TMPRSS13: variants seen among roughly 807,000 people sequenced by gnomAD.
TMPRSS13 encodes the protein transmembrane serine protease 13.
In TMPRSS13, 50 loss-of-function variants were observed where a neutral mutation model predicts 68.4. That is an observed-to-expected ratio of 0.73 (90% CI 0.58 to 0.93). The LOEUF (loss-of-function observed/expected upper bound fraction) is 0.93, where lower values mean the gene tolerates loss of function less well. Among genes scored for constraint, TMPRSS13 ranks in the 40% least tolerant of loss-of-function variants. TMPRSS13 has a pLI of 0.00. For missense variants in TMPRSS13, 615 were observed against 729.2 expected (o/e 0.84, Z 1.80); for synonymous variants, 267 against 285.8 (o/e 0.93, Z 0.66).
intron 7 of TMPRSS13, 32 bp downstream of exon 7, chr11:117,910,675 C>A (rs781279982): frequency 1.3e-6 from 2 of 1,598,788 alleles, no homozygotes; most frequent in South Asian, 1.1e-5. Context: ...CCACACGACA[C>A]TGGCCACAAT....
At position 117,914,382 on chromosome 11, in the gene TMPRSS13, G is replaced by C. The variant is rs1015991965; in HGVS notation, c.679+10C>G. The C allele has an allele frequency of 1.2e-6, 2 of 1,612,996 alleles. No individual in the cohort carries two copies. The highest frequency in any genetic ancestry group is 1.7e-6 in the Non-Finnish European group (2 of 1,179,920). The stretch of plus-strand genomic sequence containing the variant: ...ACACGCACGCGCTCCCCCGCACCCA[G>C]CCTCCTTACCGCAGCCCAGCTCGTC... On this transcript the variant is annotated intron_variant, in intron 4 of 12. Coordinates refer to ENST00000524993, the MANE Select transcript of TMPRSS13 (RefSeq NM_001077263.3). This position sits in a 1 kb window ranked among gnomAD's most constrained non-coding sequence, Gnocchi z 4.2.
chr11:117,922,713 G>A lies in TMPRSS13; in HGVS notation c.22-3875C>T. On this transcript the variant is annotated intron_variant, in intron 1 of 12. Coordinates refer to ENST00000524993, the MANE Select transcript of TMPRSS13 (RefSeq NM_001077263.3). The surrounding 1 kb of genome is among the most constrained non-coding windows in gnomAD (Gnocchi z 4.2). ...ACCAAAGGCTTCTCAGCCTGCTCAG[G>A]GGCAGGTGCACAGGGTGGAGCAGGG... is the stretch of plus-strand genomic sequence containing the variant. Among the ~76,000 whole-genome samples the A allele has an allele frequency of 6.6e-6, 1 of 152,206 alleles. No homozygotes were observed. The highest frequency in any genetic ancestry group is 1.5e-5 in the Non-Finnish European group (1 of 68,038).
intron 1 of TMPRSS13, among the ~76,000 whole-genome samples, chr11:117,921,015 A>G (rs2057640489): frequency 6.6e-6 from 1 of 152,236 alleles, no homozygotes; most frequent in Non-Finnish European, 1.5e-5. Flanking sequence ...TCAAACCATG[A>G]CAAAGATAAC....
chr11:117,911,751 T>A lies in TMPRSS13; in HGVS notation c.902+17A>T. On this transcript the variant is annotated intron_variant, in intron 6 of 12. Transcript: ENST00000524993. ...TTCCCCTGCTCACAAACAGGCAGCC[T>A]GCCTGCCCCACCATACCTGTGGAGG... is the stretch of plus-strand genomic sequence containing the variant. 1 of 1,609,116 alleles carries A rather than the reference T, an allele frequency of 6.2e-7. No homozygotes were observed. The highest frequency in any genetic ancestry group is 8.5e-7 in the Non-Finnish European group (1 of 1,176,036).
At chr11:117,903,217 C>T (rs997831126) in intron 12 of TMPRSS13, 4 of 1,358,406 alleles carry the variant, frequency 2.9e-6, no homozygotes, top group East Asian at 5.2e-5. Context: ...AAGACAACAA[C>T]AACAACAAAA....
At chr11:117,903,016 G>T in intron 12 of TMPRSS13, 1 of 1,038,682 alleles carries the variant, frequency 9.6e-7, no homozygotes, top group Non-Finnish European at 1.2e-6. Flanking sequence ...TTGGATATAG[G>T]TTAAAGCAAG....
chr11:117,924,688 G>C (rs1480825720), intron 1 of TMPRSS13, among the ~76,000 whole-genome samples: 1 of 152,154 alleles, frequency 6.6e-6, no homozygotes, highest in African/African-American at 2.4e-5. Flanking sequence ...GGCCCGGCTG[G>C]ACTGGGTGAC....
At chr11:117,903,129 G>A in intron 12 of TMPRSS13, 1 of 1,308,518 alleles carries the variant, frequency 7.6e-7, no homozygotes, top group Non-Finnish European at 9.7e-7. Flanking sequence ...GGGAAAGAAT[G>A]GTAGTTCTCA....
intron 1 of TMPRSS13, among the ~76,000 whole-genome samples, chr11:117,928,494 G>C (rs2057729249): frequency 6.6e-6 from 1 of 152,184 alleles, no homozygotes; most frequent in African/African-American, 2.4e-5. Context: ...TACCATGTCG[G>C]TAAGGTACAG....
At chr11:117,916,229 G>A (rs770933738) in intron 3 of TMPRSS13, among the ~76,000 whole-genome samples, 5 of 152,190 alleles carry the variant, frequency 3.3e-5, no homozygotes, top group Admixed American at 6.5e-5. Flanking sequence ...GACGGCCCCA[G>A]GTCCCTGATA....
chr11:117,924,907 T>C (rs1475845503), intron 1 of TMPRSS13, among the ~76,000 whole-genome samples: 1 of 152,086 alleles, frequency 6.6e-6, no homozygotes, highest in Non-Finnish European at 1.5e-5. Context: ...GGGTCAGCCC[T>C]TGAGGCAGAC....
intron 8 of TMPRSS13, among the ~76,000 whole-genome samples, chr11:117,909,288 A>C (rs2057495721): frequency 6.6e-6 from 1 of 152,106 alleles, no homozygotes; most frequent in South Asian, 2.1e-4. Context: ...AACACACTGA[A>C]CTCATTACTA....
intron 8 of TMPRSS13, among the ~76,000 whole-genome samples, chr11:117,909,125 G>A (rs1307866014): frequency 2.0e-5 from 3 of 152,104 alleles, no homozygotes; most frequent in African/African-American, 7.2e-5. Context: ...CTGGGGCCTC[G>A]ATATGAACTG....
In TMPRSS13 at chr11:117,915,408, G is replaced by A. The variant is rs1000201177; in HGVS notation, c.557-894C>T. ...CTCTCCATCACCCAGGGTAAAGGCCGCCCGGGTGTGACTGCTCCTTCCAGG... is the reference window on the plus strand; with the variant it reads ...CTCTCCATCACCCAGGGTAAAGGCCACCCGGGTGTGACTGCTCCTTCCAGG... On this transcript the variant is annotated intron_variant, in intron 3 of 12. Coordinates refer to ENST00000524993, the MANE Select transcript of TMPRSS13 (RefSeq NM_001077263.3). This position sits in a 1 kb window ranked among gnomAD's most constrained non-coding sequence, Gnocchi z 4.9. 2.6e-5 allele frequency among the ~76,000 whole-genome samples: 4 copies of A among 152,172 alleles called. No homozygotes were observed. Among genetic ancestry groups the A allele is most frequent in the African/African-American group, 4.8e-5 (2 of 41,438 alleles).
chr11:117,918,837 T>C lies in TMPRSS13; in HGVS notation c.23A>G (p.Asn8Ser), dbSNP rs768061735. MERDSHG[N>S]ASPARTPSAG... ...TGAAGGTGTTCTTGCTGGAGATGCA[T>C]TCTGAAAGCAGATCGAAGAGTATCC... Residue 8 changes from asparagine (N) to serine (S), a missense_variant and splice_region_variant, in exon 2 of 13, where the codon AAT becomes AGT. Physicochemically the swap from Asn to Ser is conservative, Grantham distance 46. Coordinates refer to ENST00000524993, the MANE Select transcript of TMPRSS13 (RefSeq NM_001077263.3). 6.8e-6 allele frequency: 11 copies of C among 1,613,372 alleles called. No individual in the cohort carries two copies. In the African/African-American group the frequency reaches 1.2e-4, roughly 18 times the overall value.
In TMPRSS13 at chr11:117,909,660, C is replaced by A. The variant is rs1319842211; in HGVS notation, c.1109+146G>T. ...CCACACTCTCAGGACCAGGTGAACA[C>A]CCAAGCTACACCAGTGCCAACTGGC... On this transcript the variant is annotated intron_variant, in intron 8 of 12. Coordinates refer to ENST00000524993, the MANE Select transcript of TMPRSS13 (RefSeq NM_001077263.3). 7 of 965,556 alleles carry A rather than the reference C, an allele frequency of 7.2e-6. No individual in the cohort carries two copies. The African/African-American group carries it at 8.1e-5, about 11-fold the overall frequency. The allele number at this position is 965,556 out of a possible 1,614,324, so 59.8% of individuals were successfully genotyped here.
intron 9 of TMPRSS13, chr11:117,908,146 A>G (rs2057482523): frequency 2.4e-6 from 2 of 846,734 alleles, no homozygotes; most frequent in East Asian, 5.0e-5. Flanking sequence ...TCCCAGAGCT[A>G]CCACCTATTA....
rs755590363 is a variant in TMPRSS13, at chr11:117,918,692, T to C, written c.168A>G (p.Pro56=). ...PAGTPPGRAS[P]AQASPAGTPP... ...GTGTACCAGCTGGAGATGCCTGGGCTGGAGATGCCCGGCCCGGAGGTGTCC... is the reference window on the plus strand; with the variant it reads ...GTGTACCAGCTGGAGATGCCTGGGCCGGAGATGCCCGGCCCGGAGGTGTCC... The change falls in exon 2 of 13, where the codon CCA becomes CCG. Residue 56 remains proline, a synonymous_variant. Transcript: ENST00000524993. 1.9e-6 allele frequency: 3 copies of C among 1,602,890 alleles called. No homozygotes were observed. Among genetic ancestry groups the C allele is most frequent in the Non-Finnish European group, 2.6e-6 (3 of 1,174,642 alleles).
At chr11:117,923,800 G>A (rs11216628) in intron 1 of TMPRSS13, among the ~76,000 whole-genome samples, 123,257 of 145,556 alleles carry the variant, frequency 0.85, 54,084 homozygotes, top group Non-Finnish European at 0.96. Flanking sequence ...AAACCTGCAC[G>A]TTGTGCACAT....
Sources: gnomAD v4.1 joint callset for allele counts (sites outside exome capture counted in the v4.1 genomes callset) on GRCh38, gnomAD v4.1.1 for gene constraint, Gnocchi (gnomAD v3.1) non-coding constraint, MANE v1.5 for transcripts, NCBI Gene and HGNC (gene_info 2026-07-23, HGNC 2026-07-21) for gene names.